Variants in ATG2B observed in about 807,000 individuals in gnomAD.
ATG2B encodes autophagy-related protein 2 homolog B.
ATG2B carries 121 observed loss-of-function variants against 241.3 expected under a neutral mutation model. That is an observed-to-expected ratio of 0.50 (90% CI 0.43 to 0.58). The LOEUF (loss-of-function observed/expected upper bound fraction) is 0.58. Ranked by LOEUF, ATG2B falls within the 20% of genes least tolerant of loss-of-function variation. The pLI, the probability that ATG2B is intolerant of heterozygous loss-of-function variation, is 0.00. For synonymous variants in ATG2B, 858 were observed against 876.6 expected (o/e 0.98, Z 0.37); for missense variants, 2,306 against 2,491.6 (o/e 0.93, Z 1.59).
intron 29 of ATG2B, among the ~76,000 whole-genome samples, chr14:96,308,020 A>C: frequency 7.2e-6 from 1 of 138,642 alleles, no homozygotes; most frequent in Non-Finnish European, 1.6e-5. Context: ...CTTCTACAGC[A>C]GTACCTCAGA....
intron 21 of ATG2B, among the ~76,000 whole-genome samples, chr14:96,316,039 TG>T (rs1167055685): frequency 6.6e-6 from 1 of 152,142 alleles, no homozygotes; most frequent in African/African-American, 2.4e-5. Flanking sequence ...AGATACAACT[TG>T]GATGAACTTT....
At position 96,291,673 on chromosome 14, in the gene ATG2B, C is replaced by G. The variant is rs763089088; in HGVS notation, c.5506G>C (p.Ala1836Pro). 4 of 1,604,014 alleles carry G rather than the reference C, an allele frequency of 2.5e-6. No homozygotes were observed. The highest frequency in any genetic ancestry group is 3.4e-6 in the Non-Finnish European group (4 of 1,173,814). Residue 1836 changes from alanine to proline, a missense_variant, in exon 38 of 42, where the codon GCT (alanine) becomes CCT (proline). Physicochemically the swap from Ala to Pro is conservative, Grantham distance 27. This residue lies in a region of ATG2B where 379 missense variants were observed against 480.4 expected (regional missense o/e 0.79). Coordinates refer to ENST00000359933, the MANE Select transcript of ATG2B (RefSeq NM_018036.7). ...KHVSMDQGTL[A>P]GILIGLAQLN... Reference sequence around the variant, plus strand: ...TGAGCCAGACCAATCAAAATCCCAGCTAGCGTACCCTTCAAAATTAAAAAA... The same window carrying G: ...TGAGCCAGACCAATCAAAATCCCAGGTAGCGTACCCTTCAAAATTAAAAAA...
intron 12 of ATG2B, 37 bp downstream of exon 12, chr14:96,329,446 TA>T: frequency 1.4e-6 from 2 of 1,437,048 alleles, no homozygotes; most frequent in Non-Finnish European, 1.9e-6. Flanking sequence ...AAGGTAGATT[TA>T]AAAAATAATC....
Position 96,317,234 on chromosome 14 carries a change from AT to A in ATG2B, c.3120del (p.Lys1040AsnfsTer2), listed in dbSNP as rs771531141. 14 of 1,598,402 alleles carry A rather than the reference AT, an allele frequency of 8.8e-6. No individual in the cohort carries two copies. The highest frequency in any genetic ancestry group is 2.7e-5 in the African/African-American group (2 of 74,408). On this transcript the variant is annotated frameshift_variant, in exon 20 of 42. Transcript: ENST00000359933. LOFTEE classifies it high-confidence loss of function. Reference protein sequence around the residue: ...DPNYRSRRKKKLDSQNKNSQS... With the variant: ...DPNYRSRRKKXLDSQNKNSQS... ...TGAGAGTTCTTGTTCTGAGAGTCTA[AT>A]TTTTTTTTCCTGCGAGAACGATAGT...
chr14:96,317,363 C>T, intron 19 of ATG2B, 46 bp from the exon 20 acceptor site: 4 of 1,487,510 alleles, frequency 2.7e-6, no homozygotes, highest in African/African-American at 1.4e-5. Context: ...CATATTAAAA[C>T]AGCAACATAA....
intron 38 of ATG2B, among the ~76,000 whole-genome samples, chr14:96,291,217 C>T (rs528992156): frequency 1.3e-5 from 2 of 152,188 alleles, no homozygotes; most frequent in South Asian, 4.1e-4. Context: ...TCAGGTAATA[C>T]GTATTAGTGT....
chr14:96,340,195 T>TCA (rs1384213488), intron 6 of ATG2B, among the ~76,000 whole-genome samples: 2 of 70,958 alleles, frequency 2.8e-5, no homozygotes, highest in African/African-American at 7.8e-5. Flanking sequence ...GTATATATAT[T>TCA]CACACACACA....
Position 96,344,771 on chromosome 14 carries a change from T to A in ATG2B, c.479-15A>T. On this transcript the variant is annotated splice_polypyrimidine_tract_variant and intron_variant, in intron 3 of 41. Transcript: ENST00000359933. ...TCTTCTTAGTACTAAAGTAAACAAG[T>A]AATTGTCAACGTAAGAGACCACATA... 7.6e-7 allele frequency: 1 copy of A among 1,317,556 alleles called. No homozygotes were observed. Among genetic ancestry groups the A allele is most frequent in the Non-Finnish European group, 1.1e-6 (1 of 943,898 alleles). 81.6% of individuals were successfully genotyped at this position (1,317,556 alleles called of 1,614,324 possible).
rs56711537 is a variant in ATG2B at position 96,341,060 on chromosome 14, C to T, written c.924+462G>A. Among the ~76,000 whole-genome samples the T allele has an allele frequency of 5.9e-3, 896 of 152,038 alleles. 13 individuals are homozygous for T. The highest frequency in any genetic ancestry group is 0.021 in the African/African-American group (851 of 41,486). On this transcript the variant is annotated intron_variant, in intron 6 of 41. Coordinates refer to ENST00000359933, the MANE Select transcript of ATG2B (RefSeq NM_018036.7). ...TATTATACAACTATATAAAAATGGT[C>T]ATTCTGTTCAAAATAGATGGGTAGA...
At chr14:96,334,306 AAAT>A (rs1267305078) in intron 7 of ATG2B, 96 bp downstream of exon 7, 5 of 744,648 alleles carry the variant, frequency 6.7e-6, no homozygotes, top group Non-Finnish European at 4.3e-6. Flanking sequence ...AGATATTCAA[AAAT>A]AATAGACTTT....
chr14:96,307,002 G>A, intron 29 of ATG2B, 86 bp from the exon 30 acceptor site: 2 of 1,146,748 alleles, frequency 1.7e-6, no homozygotes, highest in Non-Finnish European at 2.5e-6. Context: ...TATATGTTGT[G>A]TGCTTTTACC....
chr14:96,341,923 A>G (rs1311219224), intron 5 of ATG2B, among the ~76,000 whole-genome samples: 2 of 152,226 alleles, frequency 1.3e-5, no homozygotes, highest in African/African-American at 4.8e-5. Flanking sequence ...AAAGGACTTC[A>G]TGAAAAAAAG....
rs769450583 is a variant in ATG2B, at chr14:96,304,595, T to C, written c.4742A>G (p.His1581Arg). Residue 1581 changes from histidine to arginine, a missense_variant, in exon 32 of 42, where the codon CAC (histidine) becomes CGC (arginine). His to Arg is a conservative substitution (Grantham distance 29, BLOSUM62 0). Around this residue, in one of 2 missense-constraint regions of ATG2B, gnomAD observed 1,927 missense variants for 2,011.2 expected, o/e 0.96. Coordinates refer to ENST00000359933, the MANE Select transcript of ATG2B (RefSeq NM_018036.7). ...TSPAKSYISP[H>R]SSPSHTPTRH... ...CGTGGGTGTGTGAGAAGGCGAACTGTGGGGACTACTAAAAATGAGCAAAAA... is the reference window on the plus strand; with the variant it reads ...CGTGGGTGTGTGAGAAGGCGAACTGCGGGGACTACTAAAAATGAGCAAAAA... 7.7e-6 allele frequency: 12 copies of C among 1,564,778 alleles called. No homozygotes were observed. The highest frequency in any genetic ancestry group is 1.8e-5 in the Admixed American group (1 of 55,654).
In ATG2B at chr14:96,363,203, G is replaced by T. The variant is rs1265436858; in HGVS notation, c.-227C>A. ...AGGGGTCCTCCTGGCCCCAGGCCAGGGGACTTCCGAGGAGGGTCCCAACCG... is the reference window on the plus strand; with the variant it reads ...AGGGGTCCTCCTGGCCCCAGGCCAGTGGACTTCCGAGGAGGGTCCCAACCG... On this transcript the variant is annotated 5_prime_UTR_variant, in exon 1 of 42. Coordinates refer to ENST00000359933, the MANE Select transcript of ATG2B (RefSeq NM_018036.7). The T allele has an allele frequency of 2.1e-5, 11 of 530,008 alleles. No individual in the cohort carries two copies. The highest frequency in any genetic ancestry group is 3.7e-5 in the Non-Finnish European group (11 of 298,640). 32.8% of individuals were successfully genotyped at this position (530,008 alleles called of 1,614,324 possible). A position where few individuals can be genotyped will look rare whatever the true frequency, so the allele number is the denominator to read the frequency against.
chr14:96,307,380 C>T (rs1886980375), intron 29 of ATG2B, among the ~76,000 whole-genome samples: 3 of 151,872 alleles, frequency 2.0e-5, no homozygotes, highest in South Asian at 2.1e-4. Context: ...CACTGCACTC[C>T]AGCCTGCGTG....
intron 35 of ATG2B, 141 bp from the exon 36 acceptor site, chr14:96,295,308 CT>C: frequency 1.0e-6 from 1 of 977,984 alleles, no homozygotes; most frequent in Non-Finnish European, 1.5e-6. Context: ...TTGCTTTCAC[CT>C]TTTAAATTAT....
At chr14:96,310,990 T>C in intron 28 of ATG2B, 127 bp downstream of exon 28, 2 of 820,252 alleles carry the variant, frequency 2.4e-6, no homozygotes, top group South Asian at 3.3e-5. Flanking sequence ...CCCATTATTC[T>C]GAAGGTAAAG....
Position 96,290,990 on chromosome 14 carries a change from AT to A in ATG2B, c.5580-56del. ...AGGAGAAATACATTTATAGACACAG[AT>A]TAGTTTGAGGGTTTTTTTTTACTTA... On this transcript the variant is annotated intron_variant, in intron 38 of 41. Transcript: ENST00000359933. The surrounding 1 kb of genome is among the most constrained non-coding windows in gnomAD (Gnocchi z 4.4). 6.9e-7 allele frequency: 1 copy of A among 1,456,538 alleles called. No homozygotes were observed. Among genetic ancestry groups the A allele is most frequent in the Non-Finnish European group, 9.2e-7 (1 of 1,088,284 alleles). The allele number at this position is 1,456,538 out of a possible 1,614,324, so 90.2% of individuals were successfully genotyped here.
chr14:96,336,520 A>G (rs530961156), intron 6 of ATG2B, among the ~76,000 whole-genome samples: 1 of 152,304 alleles, frequency 6.6e-6, no homozygotes, highest in East Asian at 1.9e-4. Flanking sequence ...ACAGAACTCT[A>G]AAAGTAACAT....
Sources: allele counts gnomAD v4.1 joint callset (sites outside exome capture counted in the v4.1 genomes callset), GRCh38; gene constraint gnomAD v4.1.1; regional missense constraint gnomAD v4.1.1; non-coding constraint Gnocchi (gnomAD v3.1); transcripts MANE v1.5; gene names NCBI Gene and HGNC (gene_info 2026-07-23, HGNC 2026-07-21).